GNPTG: variants seen among roughly 807,000 people sequenced by gnomAD.
GNPTG encodes the protein N-acetylglucosamine-1-phosphate transferase subunit gamma, also known as N-acetylglucosamine-1-phosphotransferase subunit gamma.
A neutral mutation model predicts 43.8 loss-of-function variants in GNPTG; 46 were observed. That is an observed-to-expected ratio of 1.05 (90% CI 0.83 to 1.34). GNPTG has a LOEUF of 1.34. Among genes scored for constraint, GNPTG ranks in the 40% most tolerant of loss-of-function variants. The pLI is 0.00. For missense variants in GNPTG, 549 were observed against 411.3 expected, an observed-to-expected ratio of 1.33 and a Z score of -2.90; for synonymous variants, 250 against 172.8, an observed-to-expected ratio of 1.45 and a Z score of -3.50.
rs117068580 is a variant in GNPTG at position 1,359,583 on chromosome 16, A to G, written c.179-2160A>G. ...GCGCCCGGCCTCTATGCCAGTCTTT[A>G]TGCCAGTATCACACTGTTTTGATCA... On this transcript the variant is annotated intron_variant, in intron 3 of 10. Coordinates refer to ENST00000204679, the MANE Select transcript of GNPTG (RefSeq NM_032520.5). Among the ~76,000 whole-genome samples the G allele has an allele frequency of 3.3e-3, 500 of 152,268 alleles. 1 individual carries two copies. Among genetic ancestry groups the G allele is most frequent in the Admixed American group, 6.1e-3 (93 of 15,300 alleles).
Position 1,352,098 on chromosome 16 carries a change from G to C in GNPTG, c.53-4G>C, listed in dbSNP as rs754166478. ...CTCCCCGCTCACGGTCTCGCTCCCCGTAGGGCCCGCGCCGGCAGGTGCAGC... is the reference window on the plus strand; with the variant it reads ...CTCCCCGCTCACGGTCTCGCTCCCCCTAGGGCCCGCGCCGGCAGGTGCAGC... On this transcript the variant is annotated splice_region_variant and splice_polypyrimidine_tract_variant and intron_variant, in intron 1 of 10. Coordinates refer to ENST00000204679, the MANE Select transcript of GNPTG (RefSeq NM_032520.5). 6.4e-7 allele frequency: 1 copy of C among 1,568,218 alleles called. No individual in the cohort carries two copies. Among genetic ancestry groups the C allele is most frequent in the South Asian group, 1.2e-5 (1 of 85,590 alleles).
intron 3 of GNPTG, among the ~76,000 whole-genome samples, chr16:1,356,258 C>G (rs1399344272): frequency 6.6e-6 from 1 of 152,160 alleles, no homozygotes; most frequent in African/African-American, 2.4e-5. Context: ...CCCGCGGGAG[C>G]CAAGGGCACC....
chr16:1,363,029 A>G lies in GNPTG; in HGVS notation c.856A>G (p.Thr286Ala), dbSNP rs2034960102. The change falls in exon 11 of 11, where the codon ACG (threonine) becomes GCG (alanine). Residue 286 changes from threonine to alanine, a missense_variant. Transcript: ENST00000204679. ...CAACTTGGAGCACTTGGGCCACGAG[A>G]CGCCCAGAGCCAAGTCTCCAGAGCA... ...TSNLEHLGHE[T>A]PRAKSPEQLR... 1 of 1,613,886 alleles carries G rather than the reference A, an allele frequency of 6.2e-7. No individual in the cohort carries two copies. Among genetic ancestry groups the G allele is most frequent in the Admixed American group, 1.7e-5 (1 of 59,988 alleles).
In GNPTG at chr16:1,363,916, C is replaced by G. The variant is rs918420916; in HGVS notation, c.*825C>G. The G allele has an allele frequency of 6.6e-6, 1 of 152,392 alleles. No individual in the cohort carries two copies. The allele number at this position is 152,392 out of a possible 1,614,324, so 9.4% of individuals were successfully genotyped here. On this transcript the variant is annotated 3_prime_UTR_variant, in exon 11 of 11. Coordinates refer to ENST00000204679, the MANE Select transcript of GNPTG (RefSeq NM_032520.5). ...CAGCTCTACCACCCCGGAAGCTGAG[C>G]CCTGGAGACACCCTGAGGGGCGGGC...
Position 1,362,097 on chromosome 16 carries a change from G to C in GNPTG, c.377G>C (p.Gly126Ala). ...NTFTGMWMRDGDACRSRSRQS... is the reference protein window; with the variant it reads ...NTFTGMWMRDADACRSRSRQS... The stretch of plus-strand genomic sequence containing the variant: ...TTCACGGGCATGTGGATGAGGGACG[G>C]TGACGCCTGCCGTTCCCGGAGCCGG... Residue 126 changes from glycine (G) to alanine (A), a missense_variant, in exon 6 of 11, where the codon GGT becomes GCT. Gly to Ala is a moderately conservative substitution (Grantham distance 60, BLOSUM62 0). Coordinates refer to ENST00000204679, the MANE Select transcript of GNPTG (RefSeq NM_032520.5). 3 of 1,611,602 alleles carry C rather than the reference G, an allele frequency of 1.9e-6. No individual in the cohort carries two copies. The highest frequency in any genetic ancestry group is 2.5e-6 in the Non-Finnish European group (3 of 1,179,318).
At chr16:1,357,234 T>C (rs570031855) in intron 3 of GNPTG, among the ~76,000 whole-genome samples, 1 of 152,280 alleles carries the variant, frequency 6.6e-6, no homozygotes, top group South Asian at 2.1e-4. Context: ...CCACAGCCCC[T>C]GTCCCCTGAG....
chr16:1,359,425 C>T (rs1020533444), intron 3 of GNPTG, among the ~76,000 whole-genome samples: 10 of 152,046 alleles, frequency 6.6e-5, no homozygotes, highest in African/African-American at 2.2e-4. Context: ...TCCGCCATCA[C>T]GCCTGGCTAA....
intron 3 of GNPTG, 52 bp downstream of exon 3, chr16:1,352,358 A>G: frequency 6.6e-7 from 1 of 1,515,952 alleles, no homozygotes; most frequent in Non-Finnish European, 8.9e-7. Flanking sequence ...GGGAGCAGCA[A>G]CAGTGGAGGA....
intron 3 of GNPTG, 69 bp from the exon 4 acceptor site, chr16:1,361,674 A>C: frequency 6.4e-7 from 1 of 1,552,194 alleles, no homozygotes; most frequent in East Asian, 2.2e-5. Flanking sequence ...CTTTGAAAAC[A>C]GACTCTGCCA....
rs2034891314 is a variant in GNPTG at position 1,361,920 on chromosome 16, G to C, written c.282G>C (p.Gln94His). 1 of 1,613,612 alleles carries C rather than the reference G, an allele frequency of 6.2e-7. No individual in the cohort carries two copies. The highest frequency in any genetic ancestry group is 8.5e-7 in the Non-Finnish European group (1 of 1,180,052). ...CPFHNVTQHEQTFRWNAYSGI... is the reference protein window; with the variant it reads ...CPFHNVTQHEHTFRWNAYSGI... ...TCCACAACGTGACCCAGCACGAGCA[G>C]ACCTTCCGCTGGAACGCCTACAGTG... The change falls in exon 5 of 11, where the codon CAG (glutamine) becomes CAC (histidine). Residue 94 changes from glutamine (Q) to histidine (H), a missense_variant. Gln to His is a conservative substitution (Grantham distance 24). Coordinates refer to ENST00000204679, the MANE Select transcript of GNPTG (RefSeq NM_032520.5).
chr16:1,362,189 C>T lies in GNPTG; in HGVS notation c.412-17C>T, dbSNP rs73487805. 1.2e-3 allele frequency: 1,965 copies of T among 1,613,402 alleles called. 24 individuals carry two copies. The African/African-American group carries it at 0.023, about 19-fold the overall frequency. ...GCCCCAGTCTCCCCAACCCACCTAC[C>T]CACGTTCCCTCCCCAGGTGGAGCTG... On this transcript the variant is annotated splice_polypyrimidine_tract_variant and intron_variant, in intron 6 of 10. Transcript: ENST00000204679.
intron 3 of GNPTG, among the ~76,000 whole-genome samples, chr16:1,353,060 C>T (rs1463599821): frequency 6.6e-6 from 1 of 150,846 alleles, no homozygotes; most frequent in East Asian, 2.0e-4. Flanking sequence ...ACCTCCGCCT[C>T]CCAGGTTCAA....
chr16:1,361,471 C>T (rs1298094221), intron 3 of GNPTG: 8 of 411,034 alleles, frequency 1.9e-5, no homozygotes, highest in South Asian at 8.5e-5. Context: ...GGTGAAACCC[C>T]GTCTCTACTA....
intron 3 of GNPTG, chr16:1,361,470 C>A: frequency 2.4e-6 from 1 of 410,100 alleles, no homozygotes; most frequent in East Asian, 5.5e-5. Context: ...CGGTGAAACC[C>A]CGTCTCTACT....
chr16:1,352,069 C>G (rs759365145), intron 1 of GNPTG, 33 bp from the exon 2 acceptor site: 1 of 1,542,178 alleles, frequency 6.5e-7, no homozygotes, highest in Admixed American at 2.0e-5. Context: ...CTCTGCACCC[C>G]GGCCTCCCCG....
intron 3 of GNPTG, chr16:1,360,636 G>T (rs1406233494): frequency 1.3e-5 from 2 of 152,224 alleles, no homozygotes; most frequent in Non-Finnish European, 1.5e-5. Context: ...AGAAAAAAAA[G>T]AATCTAATGC....
chr16:1,363,602 CAG>C lies in GNPTG; in HGVS notation c.*512_*513del, dbSNP rs977761329. The C allele has an allele frequency of 5.9e-4, 122 of 208,334 alleles. No individual in the cohort carries two copies. Among genetic ancestry groups the C allele is most frequent in the African/African-American group, 2.5e-3 (106 of 42,528 alleles). The allele number at this position is 208,334 out of a possible 1,614,324, so 12.9% of individuals were successfully genotyped here. A position where few individuals can be genotyped will look rare whatever the true frequency, so the allele number is the denominator to read the frequency against. On this transcript the variant is annotated 3_prime_UTR_variant, in exon 11 of 11. Coordinates refer to ENST00000204679, the MANE Select transcript of GNPTG (RefSeq NM_032520.5). ...CTACGCCCCGTGCCCGCCATGGCCA[CAG>C]GGGGGAGCTGCTGGGCGCGCCTCCA...
chr16:1,356,305 G>T (rs2034774433), intron 3 of GNPTG, among the ~76,000 whole-genome samples: 2 of 152,192 alleles, frequency 1.3e-5, no homozygotes, highest in Non-Finnish European at 2.9e-5. Flanking sequence ...TGAACACGGA[G>T]CCTGCAGGGG....
chr16:1,353,818 G>A (rs1434716974), intron 3 of GNPTG, among the ~76,000 whole-genome samples: 1 of 152,208 alleles, frequency 6.6e-6, no homozygotes, highest in East Asian at 1.9e-4. Flanking sequence ...AAAAGTCTAA[G>A]AAGTGACATT....
Sources: allele counts gnomAD v4.1 joint callset (sites outside exome capture counted in the v4.1 genomes callset), GRCh38; gene constraint gnomAD v4.1.1; transcripts MANE v1.5; gene names NCBI Gene and HGNC (gene_info 2026-07-23, HGNC 2026-07-21).